The following GNG4 variants were observed in gnomAD, a reference collection of about 807,000 sequenced individuals.
GNG4 encodes the protein G protein subunit gamma 4.
GNG4 carries 4 observed loss-of-function variants against 5.8 expected under a neutral mutation model. The observed-to-expected ratio is 0.69, with a 90% CI of 0.34 to 1.57. The LOEUF (loss-of-function observed/expected upper bound fraction) is 1.57, where lower values mean the gene tolerates loss of function less well. Among genes scored for constraint, GNG4 ranks in the 40% most tolerant of loss-of-function variants. The pLI is 0.06. For missense variants in GNG4, 96 were observed against 95.1 expected, an observed-to-expected ratio of 1.01 and a Z score of -0.04; for synonymous variants, 29 against 32.9, an observed-to-expected ratio of 0.88 and a Z score of 0.41.
Position 235,644,976 on chromosome 1 carries a change from G to A in GNG4, c.-123+4686C>T, listed in dbSNP as rs1324866108. On this transcript the variant is annotated intron_variant, in intron 1 of 3. Transcript: ENST00000391854. This position sits in a 1 kb window ranked among gnomAD's most constrained non-coding sequence, Gnocchi z 5.9. Reference sequence around the variant, plus strand: ...CAGACACTCCGTCCACATGGGCCCCGGGCCGCCAGAGACCCCAGGGCCCAC... The same window carrying A: ...CAGACACTCCGTCCACATGGGCCCCAGGCCGCCAGAGACCCCAGGGCCCAC... 2.0e-5 allele frequency among the ~76,000 whole-genome samples: 3 copies of A among 152,170 alleles called. No homozygotes were observed. Among genetic ancestry groups the A allele is most frequent in the South Asian group, 2.1e-4 (1 of 4,834 alleles).
At chr1:235,623,173 G>A (rs1328137375) in intron 1 of GNG4, among the ~76,000 whole-genome samples, 5 of 152,140 alleles carry the variant, frequency 3.3e-5, no homozygotes, top group Non-Finnish European at 7.4e-5. Flanking sequence ...TTATCTTGGA[G>A]ATTTAGCCTG....
At chr1:235,556,280 C>T (rs1307607413) in intron 3 of GNG4, among the ~76,000 whole-genome samples, 6 of 151,804 alleles carry the variant, frequency 4.0e-5, no homozygotes, top group East Asian at 2.0e-4. Flanking sequence ...AAACCAGGGC[C>T]GGGCACGGTG....
chr1:235,567,863 A>G (rs1687238248), intron 3 of GNG4, among the ~76,000 whole-genome samples: 3 of 152,134 alleles, frequency 2.0e-5, no homozygotes, highest in Admixed American at 2.0e-4. Flanking sequence ...TCCCATTTCT[A>G]TAATATTGAT....
In GNG4 at chr1:235,552,001, G is replaced by C; in HGVS notation, c.*108C>G. 2.3e-6 allele frequency: 2 copies of C among 858,426 alleles called. No individual in the cohort carries two copies. The highest frequency in any genetic ancestry group is 3.7e-6 in the Non-Finnish European group (2 of 541,390). 53.2% of individuals were successfully genotyped at this position (858,426 alleles called of 1,614,324 possible). On this transcript the variant is annotated 3_prime_UTR_variant, in exon 4 of 4. Transcript: ENST00000391854. Reference sequence around the variant, plus strand: ...ATAAGACAAGCCCCGGCCACTGTTGGCTGGGCAGGGATGGGTGTTGGTCTC... The same window carrying C: ...ATAAGACAAGCCCCGGCCACTGTTGCCTGGGCAGGGATGGGTGTTGGTCTC...
In GNG4 at chr1:235,573,726, G is replaced by A. The variant is rs193090682; in HGVS notation, c.99+10014C>T. 8.8e-4 allele frequency among the ~76,000 whole-genome samples: 134 copies of A among 152,074 alleles called. 3 individuals are homozygous for A. The East Asian group carries it at 0.023, about 26-fold the overall frequency. ...CGAGAGGCGGAGGTTGCAGTGAGCC[G>A]AGATCGTGCCACTGCACTCCAGCCT... On this transcript the variant is annotated intron_variant, in intron 3 of 3. Transcript: ENST00000391854.
chr1:235,560,845 C>T (rs1687042642), intron 3 of GNG4, among the ~76,000 whole-genome samples: 1 of 152,176 alleles, frequency 6.6e-6, no homozygotes, highest in Admixed American at 6.5e-5. Flanking sequence ...ATAACCTTTC[C>T]TCAATATGGC....
chr1:235,581,630 C>T (rs1360695782), intron 3 of GNG4, among the ~76,000 whole-genome samples: 1 of 151,994 alleles, frequency 6.6e-6, no homozygotes, highest in Non-Finnish European at 1.5e-5. Context: ...TTTCCTGAGG[C>T]CTCCGCACCC....
chr1:235,548,819 C>T lies in GNG4; in HGVS notation c.*3290G>A, dbSNP rs1026446188. On this transcript the variant is annotated 3_prime_UTR_variant, in exon 4 of 4. Coordinates refer to ENST00000391854, the MANE Select transcript of GNG4 (RefSeq NM_001098722.2). ...CAATGCAAGCAGGCTTTATTCCATT[C>T]ATCTTCCACTGACAGAGTGGGGGAG... 5 of 152,200 alleles carry T rather than the reference C, an allele frequency of 3.3e-5. No individual in the cohort carries two copies. The highest frequency in any genetic ancestry group is 7.3e-5 in the Non-Finnish European group (5 of 68,052). The allele number at this position is 152,200 out of a possible 1,614,324, so 9.4% of individuals were successfully genotyped here.
At chr1:235,624,862 C>A (rs1043907983) in intron 1 of GNG4, among the ~76,000 whole-genome samples, 1 of 152,180 alleles carries the variant, frequency 6.6e-6, no homozygotes, top group Non-Finnish European at 1.5e-5. Flanking sequence ...CAAACAGGCT[C>A]CTGAACACTG....
chr1:235,557,503 ACC>A (rs1686948537), intron 3 of GNG4, among the ~76,000 whole-genome samples: 1 of 151,110 alleles, frequency 6.6e-6, no homozygotes, highest in Non-Finnish European at 1.5e-5. Context: ...TCTCCAAGAC[ACC>A]CCTTCCTCTA....
At chr1:235,553,786 C>G (rs1003008912) in intron 3 of GNG4, among the ~76,000 whole-genome samples, 1 of 152,180 alleles carries the variant, frequency 6.6e-6, no homozygotes, top group Admixed American at 6.5e-5. Flanking sequence ...TAGATCTACC[C>G]CCGCCCGTAA....
At chr1:235,647,482 G>A (rs1021637356) in intron 1 of GNG4, among the ~76,000 whole-genome samples, 3 of 152,178 alleles carry the variant, frequency 2.0e-5, no homozygotes, top group African/African-American at 4.8e-5. Context: ...AGAAGAAATT[G>A]TTGGGTACAG....
At chr1:235,561,136 A>T (rs1687050782) in intron 3 of GNG4, among the ~76,000 whole-genome samples, 1 of 152,096 alleles carries the variant, frequency 6.6e-6, no homozygotes, top group African/African-American at 2.4e-5. Flanking sequence ...CAGCCTCCCG[A>T]GTAGCTGGGA....
intron 1 of GNG4, among the ~76,000 whole-genome samples, chr1:235,610,188 C>T (rs1476841601): frequency 2.6e-5 from 4 of 152,304 alleles, no homozygotes; most frequent in African/African-American, 9.6e-5. Flanking sequence ...TCCAAGATAG[C>T]GGCCGTTATT....
intron 3 of GNG4, among the ~76,000 whole-genome samples, chr1:235,570,363 C>T (rs1687301215): frequency 6.6e-6 from 1 of 151,190 alleles, no homozygotes; most frequent in Non-Finnish European, 1.5e-5. Flanking sequence ...GCTTTTCCAC[C>T]TCCCTTTCCA....
At chr1:235,613,536 T>C (rs939133825) in intron 1 of GNG4, among the ~76,000 whole-genome samples, 2 of 151,556 alleles carry the variant, frequency 1.3e-5, no homozygotes, top group African/African-American at 4.9e-5. Flanking sequence ...TCGGTGTCAG[T>C]CAGAGAGAGA....
At chr1:235,625,139 C>T (rs1421617099) in intron 1 of GNG4, among the ~76,000 whole-genome samples, 3 of 152,062 alleles carry the variant, frequency 2.0e-5, no homozygotes, top group Admixed American at 6.6e-5. Context: ...TTTTGCAGGC[C>T]GACCCTGTGA....
intron 2 of GNG4, among the ~76,000 whole-genome samples, chr1:235,593,575 C>T (rs1233277338): frequency 6.6e-6 from 1 of 152,206 alleles, no homozygotes; most frequent in Non-Finnish European, 1.5e-5. Context: ...AAGCTGCGGA[C>T]CCGCGCCGTG....
At chr1:235,559,290 T>G (rs1686997018) in intron 3 of GNG4, among the ~76,000 whole-genome samples, 1 of 152,180 alleles carries the variant, frequency 6.6e-6, no homozygotes, top group South Asian at 2.1e-4. Flanking sequence ...AATGGTATAT[T>G]TTTACACGGT....
Sources: allele counts gnomAD v4.1 joint callset (sites outside exome capture counted in the v4.1 genomes callset), GRCh38; gene constraint gnomAD v4.1.1; non-coding constraint Gnocchi (gnomAD v3.1); transcripts MANE v1.5; gene names NCBI Gene and HGNC (gene_info 2026-07-23, HGNC 2026-07-21).